SUPT3H: variants seen among roughly 807,000 people sequenced by gnomAD.
SUPT3H encodes the protein SPT3 homolog, SAGA and STAGA complex component.
Under a neutral mutation model 44.3 loss-of-function variants are expected in SUPT3H, and 44 were observed. The observed-to-expected ratio is 0.99, with a 90% confidence interval of 0.78 to 1.28. SUPT3H has a LOEUF of 1.28. SUPT3H is among the 50% of genes most tolerant of loss of function. The pLI, the probability that SUPT3H is intolerant of heterozygous loss-of-function variation, is 0.00. For missense variants in SUPT3H, 380 were observed against 387.1 expected (o/e 0.98, Z 0.15); for synonymous variants, 124 against 125.6 (o/e 0.99, Z 0.09).
At chr6:45,060,209 TAC>T (rs1791769370) in intron 3 of SUPT3H, among the ~76,000 whole-genome samples, 2 of 152,056 alleles carry the variant, frequency 1.3e-5, no homozygotes, top group South Asian at 4.1e-4. Context: ...ATTACAAGGA[TAC>T]AGTAACCAAA....
At chr6:45,088,424 C>A (rs1796740557) in intron 3 of SUPT3H, among the ~76,000 whole-genome samples, 1 of 151,988 alleles carries the variant, frequency 6.6e-6, no homozygotes, top group Non-Finnish European at 1.5e-5. Flanking sequence ...TGCCATTAAT[C>A]CTGTTCCCAT....
intron 3 of SUPT3H, among the ~76,000 whole-genome samples, chr6:45,100,724 TGAG>T (rs536151146): frequency 1.4e-4 from 21 of 151,986 alleles, no homozygotes; most frequent in Non-Finnish European, 2.5e-4. Context: ...ATGCTAGCAA[TGAG>T]GAGGAGAAAG....
At chr6:44,853,031 C>T (rs555808099) in intron 10 of SUPT3H, among the ~76,000 whole-genome samples, 20 of 152,284 alleles carry the variant, frequency 1.3e-4, no homozygotes, top group Admixed American at 6.5e-4. Context: ...TGTTACCTAA[C>T]GACTGCCTTG....
At chr6:45,356,659 C>T (rs1793252325) in intron 2 of SUPT3H, among the ~76,000 whole-genome samples, 1 of 152,140 alleles carries the variant, frequency 6.6e-6, no homozygotes, top group African/African-American at 2.4e-5. Context: ...CCCACCTCAG[C>T]CTCCCAAAGT....
At chr6:45,094,899 C>T (rs1797600032) in intron 3 of SUPT3H, among the ~76,000 whole-genome samples, 2 of 152,068 alleles carry the variant, frequency 1.3e-5, no homozygotes, top group African/African-American at 4.8e-5. Context: ...TTTACCAACA[C>T]AAAATATTCT....
rs1434901298 is a variant in SUPT3H, at chr6:45,065,989, C to T, written c.186+39933G>A. On this transcript the variant is annotated intron_variant, in intron 3 of 10. Transcript: ENST00000371459. ...GCCAGCATCATTCTGATACCAAAGC[C>T]GGGCAGAGACACAACCAAAAAAGAG... Among the ~76,000 whole-genome samples the T allele has an allele frequency of 5.2e-3, 728 of 139,770 alleles. 3 individuals carry two copies. Among genetic ancestry groups the T allele is most frequent in the African/African-American group, 0.015 (557 of 36,654 alleles). 91.7% of individuals were successfully genotyped at this position (139,770 alleles called of 152,430 possible).
At chr6:45,007,048 ATATCT>A (rs1362346458) in intron 5 of SUPT3H, among the ~76,000 whole-genome samples, 7 of 152,260 alleles carry the variant, frequency 4.6e-5, no homozygotes, top group Admixed American at 3.3e-4. Flanking sequence ...CTATAGACAG[ATATCT>A]TATCTTGGTT....
chr6:44,985,319 C>T (rs1226894605), intron 6 of SUPT3H, among the ~76,000 whole-genome samples: 1 of 152,034 alleles, frequency 6.6e-6, no homozygotes, highest in Non-Finnish European at 1.5e-5. Flanking sequence ...ATCGCTTGAG[C>T]TCAGTTCAAG....
At chr6:44,966,563 G>A (rs1776807800) in intron 6 of SUPT3H, among the ~76,000 whole-genome samples, 1 of 151,838 alleles carries the variant, frequency 6.6e-6, no homozygotes. Context: ...TAATAAAGAG[G>A]CAAAACTAGA....
At chr6:44,876,462 A>G (rs928929126) in intron 10 of SUPT3H, among the ~76,000 whole-genome samples, 1 of 126,714 alleles carries the variant, frequency 7.9e-6, no homozygotes, top group African/African-American at 3.0e-5. Flanking sequence ...ATGAGATCAC[A>G]TGGACACTGG....
At chr6:44,860,942 A>AC (rs1774554871) in intron 10 of SUPT3H, among the ~76,000 whole-genome samples, 1 of 152,030 alleles carries the variant, frequency 6.6e-6, no homozygotes, top group Admixed American at 6.5e-5. Flanking sequence ...ATTAAACAGT[A>AC]AAAGTTTTCT....
At chr6:44,886,198 A>T (rs1241593449) in intron 10 of SUPT3H, among the ~76,000 whole-genome samples, 1 of 152,200 alleles carries the variant, frequency 6.6e-6, no homozygotes, top group Admixed American at 6.5e-5. Flanking sequence ...ACTCTGCAGG[A>T]TATTATCCAG....
chr6:45,035,369 G>A lies in SUPT3H; in HGVS notation c.187-14737C>T, dbSNP rs915299689. 4.6e-5 allele frequency among the ~76,000 whole-genome samples: 7 copies of A among 152,082 alleles called. No homozygotes were observed. The East Asian group carries it at 9.6e-4, about 21-fold the overall frequency. On this transcript the variant is annotated intron_variant, in intron 3 of 10. Coordinates refer to ENST00000371459, the MANE Select transcript of SUPT3H (RefSeq NM_003599.4). ...CCATATTAAGCTATGTATACAAAGT[G>A]TCTGGTACTGTTTATTATCAGACTC...
rs187944401 is a variant in SUPT3H, at chr6:45,286,654, C to G, written c.101+78547G>C. Reference sequence around the variant, plus strand: ...TTTACACTGTTGGTGGGACTGTAAACTAGTTCAACCATTGTGGAAGTCAGT... The same window carrying G: ...TTTACACTGTTGGTGGGACTGTAAAGTAGTTCAACCATTGTGGAAGTCAGT... On this transcript the variant is annotated intron_variant, in intron 2 of 10. Coordinates refer to ENST00000371459, the MANE Select transcript of SUPT3H (RefSeq NM_003599.4). Among the ~76,000 whole-genome samples the G allele has an allele frequency of 4.1e-3, 628 of 152,288 alleles. 3 individuals are homozygous for G. Among genetic ancestry groups the G allele is most frequent in the Non-Finnish European group, 5.5e-3 (375 of 68,024 alleles).
At chr6:44,941,635 T>C (rs982689355) in intron 9 of SUPT3H, among the ~76,000 whole-genome samples, 5 of 152,190 alleles carry the variant, frequency 3.3e-5, no homozygotes, top group African/African-American at 9.7e-5. Context: ...TATCTCTGGA[T>C]GGGACATAAG....
chr6:45,255,843 C>G (rs1773290657), intron 2 of SUPT3H, among the ~76,000 whole-genome samples: 1 of 152,176 alleles, frequency 6.6e-6, no homozygotes. Context: ...ACTATCACCA[C>G]AGTCAATTTG....
At chr6:45,324,006 G>C (rs1417744176) in intron 2 of SUPT3H, among the ~76,000 whole-genome samples, 1 of 152,034 alleles carries the variant, frequency 6.6e-6, no homozygotes, top group African/African-American at 2.4e-5. Flanking sequence ...TTAAGTGGTA[G>C]TGTATGTAAC....
Position 44,932,893 on chromosome 6 carries a change from T to C in SUPT3H, c.802-130A>G, listed in dbSNP as rs572160864. 8.4e-6 allele frequency: 4 copies of C among 477,482 alleles called. No individual in the cohort carries two copies. The Admixed American group carries it at 1.7e-4, about 20-fold the overall frequency. 29.6% of individuals were successfully genotyped at this position (477,482 alleles called of 1,614,324 possible). The stretch of plus-strand genomic sequence containing the variant: ...CTTAGGATGCACATCACTACTGCCA[T>C]ATACTACATCTAAAAAAGAATTCCA... On this transcript the variant is annotated intron_variant, in intron 9 of 10. Coordinates refer to ENST00000371459, the MANE Select transcript of SUPT3H (RefSeq NM_003599.4).
intron 2 of SUPT3H, among the ~76,000 whole-genome samples, chr6:45,184,164 A>C (rs944770113): frequency 7.9e-5 from 12 of 152,230 alleles, no homozygotes; most frequent in Non-Finnish European, 1.8e-4. Flanking sequence ...CTGTAAACTT[A>C]AAACTTCTTA....
Sources: gnomAD v4.1 joint callset for allele counts (sites outside exome capture counted in the v4.1 genomes callset) on GRCh38, gnomAD v4.1.1 for gene constraint, MANE v1.5 for transcripts, NCBI Gene and HGNC (gene_info 2026-07-23, HGNC 2026-07-21) for gene names.